The following RAD54B variants were observed in gnomAD, a reference collection of about 807,000 sequenced individuals.
The protein encoded by RAD54B is RAD54 homolog B, also known as DNA repair and recombination protein RAD54B.
Under a neutral mutation model 95.8 loss-of-function variants are expected in RAD54B, and 78 were observed. The observed-to-expected ratio is 0.81, with a 90% CI of 0.68 to 0.98. The LOEUF is 0.98. Among genes scored for constraint, RAD54B ranks in the 50% least tolerant of loss-of-function variants. The pLI is 0.00. For synonymous variants in RAD54B, 328 were observed against 354.9 expected, an observed-to-expected ratio of 0.92 and a Z score of 0.85; for missense variants, 957 against 1,056.6, an observed-to-expected ratio of 0.91 and a Z score of 1.31.
At chr8:94,445,412 C>T (rs1812498046) in intron 3 of RAD54B, among the ~76,000 whole-genome samples, 1 of 152,090 alleles carries the variant, frequency 6.6e-6, no homozygotes, top group African/African-American at 2.4e-5. Flanking sequence ...CTACTTGAGC[C>T]CTCAGTTGCT....
In RAD54B at chr8:94,387,140, G is replaced by A. The variant is rs1810908609; in HGVS notation, c.1829C>T (p.Thr610Ile). ...ACTCTTTTCTTCATTTTTATCACAA[G>A]TTGAGCTACATTCCTTTTCCTATTC... is the stretch of plus-strand genomic sequence containing the variant. ...NSIKEKECSS[T>I]CDKNEEKSLY... The change falls in exon 11 of 15, where the codon ACT becomes ATT. Residue 610 changes from threonine to isoleucine, a missense_variant. Physicochemically the swap from Thr to Ile is moderately conservative, Grantham distance 89 (BLOSUM62 -1). Transcript: ENST00000336148. 3 of 1,595,826 alleles carry A rather than the reference G, an allele frequency of 1.9e-6. No homozygotes were observed. Among genetic ancestry groups the A allele is most frequent in the Admixed American group, 1.8e-5 (1 of 56,014 alleles).
intron 3 of RAD54B, among the ~76,000 whole-genome samples, chr8:94,420,574 C>T (rs1811780398): frequency 6.6e-6 from 1 of 151,838 alleles, no homozygotes. Context: ...ACTCCTTTCT[C>T]CACAGTAAAT....
At chr8:94,381,977 G>A (rs1025889169) in intron 11 of RAD54B, among the ~76,000 whole-genome samples, 1 of 152,090 alleles carries the variant, frequency 6.6e-6, no homozygotes, top group Non-Finnish European at 1.5e-5. Context: ...AGTCGGGCAT[G>A]GTGGTGGGCG....
At chr8:94,416,887 G>A (rs531687033) in intron 3 of RAD54B, among the ~76,000 whole-genome samples, 1 of 152,232 alleles carries the variant, frequency 6.6e-6, no homozygotes, top group South Asian at 2.1e-4. Flanking sequence ...CTAAGTATAT[G>A]CCCAAAAGAA....
intron 8 of RAD54B, 122 bp from the exon 9 acceptor site, chr8:94,394,004 G>A: frequency 2.2e-6 from 2 of 889,126 alleles, no homozygotes; most frequent in Non-Finnish European, 3.4e-6. Flanking sequence ...ATAAATACAA[G>A]CAAATTGCCT....
intron 3 of RAD54B, among the ~76,000 whole-genome samples, chr8:94,451,194 G>A (rs1055025545): frequency 6.6e-6 from 1 of 152,132 alleles, no homozygotes; most frequent in Non-Finnish European, 1.5e-5. Context: ...GCTGGGGCAG[G>A]AAAGATCTTA....
chr8:94,419,787 C>G (rs1186365901), intron 3 of RAD54B, among the ~76,000 whole-genome samples: 3 of 120,382 alleles, frequency 2.5e-5, no homozygotes, highest in African/African-American at 9.1e-5. Context: ...AACAATTTAA[C>G]AGAGTAAAAT....
intron 2 of RAD54B, among the ~76,000 whole-genome samples, chr8:94,466,821 G>T (rs1246948102): frequency 6.6e-6 from 1 of 152,114 alleles, no homozygotes; most frequent in African/African-American, 2.4e-5. Flanking sequence ...TATTTATGTG[G>T]TAACTTTAAA....
intron 3 of RAD54B, chr8:94,429,108 C>A: frequency 2.0e-6 from 2 of 985,226 alleles, no homozygotes; most frequent in South Asian, 9.4e-5. Flanking sequence ...GGAAAAGTTG[C>A]TGCAGTAAAC....
At chr8:94,404,794 C>A (rs1422750891) in intron 5 of RAD54B, among the ~76,000 whole-genome samples, 2 of 152,118 alleles carry the variant, frequency 1.3e-5, no homozygotes, top group African/African-American at 4.8e-5. Flanking sequence ...TTAATTACTA[C>A]ATTCATGAAT....
intron 7 of RAD54B, 119 bp downstream of exon 7, chr8:94,400,118 TA>T: frequency 1.2e-6 from 1 of 848,268 alleles, no homozygotes; most frequent in Non-Finnish European, 1.8e-6. Flanking sequence ...AACCAAAATG[TA>T]AGCTAAAACT....
chr8:94,451,935 G>A (rs1238334137), intron 3 of RAD54B, among the ~76,000 whole-genome samples: 4 of 152,076 alleles, frequency 2.6e-5, no homozygotes, highest in East Asian at 1.9e-4. Flanking sequence ...CATTCAGGCC[G>A]CTATAACAAA....
intron 3 of RAD54B, among the ~76,000 whole-genome samples, chr8:94,456,153 C>T (rs1024510584): frequency 7.2e-4 from 110 of 152,254 alleles, no homozygotes; most frequent in African/African-American, 2.5e-3. Flanking sequence ...CCAAAGAAAT[C>T]ACATTCCCTA....
intron 4 of RAD54B, among the ~76,000 whole-genome samples, chr8:94,408,392 C>T (rs570123886): frequency 6.6e-6 from 1 of 152,184 alleles, no homozygotes; most frequent in African/African-American, 2.4e-5. Flanking sequence ...ACATAGATGG[C>T]ATTTTAGACT....
At chr8:94,450,959 C>G (rs773680399) in intron 3 of RAD54B, among the ~76,000 whole-genome samples, 7 of 151,690 alleles carry the variant, frequency 4.6e-5, no homozygotes, top group African/African-American at 9.7e-5. Context: ...TAAAATGAAC[C>G]CTGGGGTACT....
intron 14 of RAD54B, chr8:94,372,929 T>A (rs1254475130): frequency 2.0e-5 from 3 of 152,706 alleles, no homozygotes; most frequent in Admixed American, 6.5e-5. Flanking sequence ...TTTCTAGATT[T>A]CAGAATTGAA....
chr8:94,458,194 C>A, intron 3 of RAD54B, 74 bp downstream of exon 3: 1 of 1,357,238 alleles, frequency 7.4e-7, no homozygotes, highest in Non-Finnish European at 9.9e-7. Flanking sequence ...CATATTCATT[C>A]TTAAAACATC....
chr8:94,472,382 A>G (rs947961256), intron 1 of RAD54B, among the ~76,000 whole-genome samples: 2 of 152,258 alleles, frequency 1.3e-5, no homozygotes, highest in Admixed American at 6.5e-5. Context: ...CATGGATGTT[A>G]GGCCTTGCAC....
At position 94,380,302 on chromosome 8, in the gene RAD54B, G is replaced by C; in HGVS notation, c.2090C>G (p.Ser697Cys). Reference sequence around the variant, plus strand: ...GCCATCAACAATCTGCTGCCTTTGAGAGATTGGTGTTTGTCCATCAAGTCT... The same window carrying C: ...GCCATCAACAATCTGCTGCCTTTGACAGATTGGTGTTTGTCCATCAAGTCT... ...YTRLDGQTPI[S>C]QRQQIVDGFN... The change falls in exon 12 of 15, where the codon TCT becomes TGT. Residue 697 changes from serine (S) to cysteine (C), a missense_variant. Ser to Cys is a moderately radical substitution (Grantham distance 112). Coordinates refer to ENST00000336148, the MANE Select transcript of RAD54B (RefSeq NM_012415.3). The C allele has an allele frequency of 6.2e-7, 1 of 1,614,104 alleles. No individual in the cohort carries two copies. Among genetic ancestry groups the C allele is most frequent in the Non-Finnish European group, 8.5e-7 (1 of 1,179,994 alleles).
Sources: allele counts gnomAD v4.1 joint callset (sites outside exome capture counted in the v4.1 genomes callset), GRCh38; gene constraint gnomAD v4.1.1; transcripts MANE v1.5; gene names NCBI Gene and HGNC (gene_info 2026-07-23, HGNC 2026-07-21).